CNGB1: variants seen among roughly 807,000 people sequenced by gnomAD.
CNGB1 encodes the protein cyclic nucleotide-gated channel beta-1.
A neutral mutation model predicts 151.7 loss-of-function variants in CNGB1; 126 were observed. The ratio of observed to expected loss-of-function variants is 0.83; its 90% CI spans 0.72 to 0.96. The LOEUF (loss-of-function observed/expected upper bound fraction) is 0.96. Ranked by LOEUF, CNGB1 falls within the 40% of genes least tolerant of loss-of-function variation. The probability of loss-of-function intolerance (pLI) is 0.00; values close to 1 mark genes in which losing one functional copy is unlikely to be tolerated. For synonymous variants in CNGB1, 623 were observed against 635.1 expected (o/e 0.98, Z 0.29); for missense variants, 1,698 against 1,627.0 (o/e 1.04, Z -0.75).
intron 20 of CNGB1, 151 bp from the exon 21 acceptor site, chr16:57,917,627 TACAC>T (rs146174302): frequency 0.036 from 19,929 of 558,852 alleles, 1,253 homozygotes; most frequent in African/African-American, 0.23. Flanking sequence ...TGTGTATATA[TACAC>T]ACACACACAC....
chr16:57,969,710 A>T (rs573050869), intron 1 of CNGB1, among the ~76,000 whole-genome samples: 1 of 152,386 alleles, frequency 6.6e-6, no homozygotes, highest in Admixed American at 6.5e-5. Flanking sequence ...GTGTTATTTC[A>T]GTCCTACCTT....
intron 19 of CNGB1, 101 bp downstream of exon 19, chr16:57,920,286 C>G (rs1035531313): frequency 1.2e-5 from 16 of 1,383,112 alleles, no homozygotes; most frequent in Admixed American, 5.1e-5. Context: ...TCATGGACCT[C>G]AACCATTTCC....
At chr16:57,948,840 A>G (rs563310549) in intron 14 of CNGB1, among the ~76,000 whole-genome samples, 2 of 152,286 alleles carry the variant, frequency 1.3e-5, no homozygotes, top group South Asian at 4.1e-4. Flanking sequence ...TGTGTTTAAC[A>G]TTGAAATATA....
chr16:57,953,759 A>C (rs1173746138), intron 12 of CNGB1, among the ~76,000 whole-genome samples: 1 of 152,012 alleles, frequency 6.6e-6, no homozygotes, highest in African/African-American at 2.4e-5. Context: ...CTCTCACTGG[A>C]TGTTTCTCAA....
At chr16:57,916,856 G>A (rs767641675) in intron 21 of CNGB1, among the ~76,000 whole-genome samples, 2 of 152,132 alleles carry the variant, frequency 1.3e-5, no homozygotes, top group Non-Finnish European at 2.9e-5. Flanking sequence ...TGAGCGCCCC[G>A]CATGCATCGT....
intron 16 of CNGB1, among the ~76,000 whole-genome samples, chr16:57,935,728 T>C (rs1423910507): frequency 1.3e-5 from 2 of 150,956 alleles, no homozygotes; most frequent in Admixed American, 1.3e-4. Flanking sequence ...GGGGATGCTT[T>C]GGGGTCTTTT....
At chr16:57,904,476 C>T (rs1412704725) in intron 26 of CNGB1, among the ~76,000 whole-genome samples, 7 of 152,164 alleles carry the variant, frequency 4.6e-5, no homozygotes, top group Non-Finnish European at 8.8e-5. Flanking sequence ...TCGGTCTCTG[C>T]AGAAAACCAT....
chr16:57,957,458 G>A (rs1038135111), intron 11 of CNGB1, 81 bp from the exon 12 acceptor site: 23 of 1,288,610 alleles, frequency 1.8e-5, no homozygotes, highest in East Asian at 1.6e-4. Context: ...CTTCTAGCAC[G>A]TGACCTTGAC....
chr16:57,911,742 C>A lies in CNGB1; in HGVS notation c.2492+11G>T, dbSNP rs1960718294. Reference sequence around the variant, plus strand: ...CCCAGGCATGGCCCCAGGGGGAGGACTGTGGCTCACCTGTTTCCCACGCCA... The same window carrying A: ...CCCAGGCATGGCCCCAGGGGGAGGAATGTGGCTCACCTGTTTCCCACGCCA... On this transcript the variant is annotated intron_variant, in intron 25 of 32. Coordinates refer to ENST00000251102, the MANE Select transcript of CNGB1 (RefSeq NM_001297.5). The A allele has an allele frequency of 1.2e-6, 2 of 1,613,612 alleles. No homozygotes were observed. Among genetic ancestry groups the A allele is most frequent in the Non-Finnish European group, 1.7e-6 (2 of 1,179,772 alleles).
chr16:57,911,161 T>C (rs1231874025), intron 25 of CNGB1, among the ~76,000 whole-genome samples: 1 of 152,158 alleles, frequency 6.6e-6, no homozygotes, highest in South Asian at 2.1e-4. Flanking sequence ...ACAGCGTATT[T>C]GCACACCCTA....
At chr16:57,913,324 T>C (rs1960783717) in intron 23 of CNGB1, among the ~76,000 whole-genome samples, 1 of 152,182 alleles carries the variant, frequency 6.6e-6, no homozygotes, top group Non-Finnish European at 1.5e-5. Context: ...AAAGCTGCTG[T>C]TTTTAATGTT....
chr16:57,904,985 A>G (rs1258910147), intron 25 of CNGB1, 110 bp from the exon 26 acceptor site: 1 of 1,385,574 alleles, frequency 7.2e-7, no homozygotes, highest in Non-Finnish European at 1.0e-6. Flanking sequence ...AAAGACAGAA[A>G]CCCTTTACAG....
intron 8 of CNGB1, 73 bp downstream of exon 8, chr16:57,960,767 G>A: frequency 2.0e-6 from 3 of 1,477,854 alleles, no homozygotes; most frequent in Admixed American, 3.8e-5. Flanking sequence ...CCTGCTGGAG[G>A]AGGCAGTCCC....
At chr16:57,935,181 C>T (rs541770704) in intron 16 of CNGB1, among the ~76,000 whole-genome samples, 32 of 152,174 alleles carry the variant, frequency 2.1e-4, no homozygotes, top group African/African-American at 4.8e-4. Flanking sequence ...GGCCCAGCTT[C>T]GAGCCTGCAG....
At chr16:57,965,293 A>G (rs1180565286) in intron 2 of CNGB1, among the ~76,000 whole-genome samples, 1 of 152,202 alleles carries the variant, frequency 6.6e-6, no homozygotes, top group Non-Finnish European at 1.5e-5. Flanking sequence ...AAACATATGT[A>G]CATATACATG....
At chr16:57,905,756 G>A (rs149568735) in intron 25 of CNGB1, among the ~76,000 whole-genome samples, 11 of 152,356 alleles carry the variant, frequency 7.2e-5, no homozygotes, top group Admixed American at 3.9e-4. Context: ...TCTTCCATAC[G>A]AGGACAGCAT....
intron 13 of CNGB1, 109 bp from the exon 14 acceptor site, chr16:57,949,548 T>C: frequency 1.3e-6 from 2 of 1,570,002 alleles, no homozygotes; most frequent in Non-Finnish European, 8.7e-7. Context: ...AGCCCAGACC[T>C]GGACTTTCCA....
chr16:57,932,084 C>T (rs1357331977), intron 16 of CNGB1, among the ~76,000 whole-genome samples: 1 of 152,168 alleles, frequency 6.6e-6, no homozygotes, highest in Non-Finnish European at 1.5e-5. Context: ...CAGCCACCAG[C>T]CCAGGAGCCA....
intron 12 of CNGB1, chr16:57,955,335 C>T (rs1267161474): frequency 7.1e-6 from 11 of 1,551,742 alleles, no homozygotes; most frequent in Non-Finnish European, 8.7e-6. Context: ...ATTCCCTTCT[C>T]CCTTATTTCA....
Sources: allele counts gnomAD v4.1 joint callset (sites outside exome capture counted in the v4.1 genomes callset), GRCh38; gene constraint gnomAD v4.1.1; transcripts MANE v1.5; gene names NCBI Gene and HGNC (gene_info 2026-07-23, HGNC 2026-07-21).